Variants in SSPN observed in about 807,000 individuals in gnomAD.
SSPN encodes the protein sarcospan, also known as K-ras oncogene-associated protein.
Under a neutral mutation model 19.1 loss-of-function variants are expected in SSPN, and 15 were observed. That is an observed-to-expected ratio of 0.78 (90% CI 0.52 to 1.21). SSPN has a LOEUF of 1.21. Among genes scored for constraint, SSPN ranks in the 50% most tolerant of loss-of-function variants. The pLI, the probability that SSPN is intolerant of heterozygous loss-of-function variation, is 0.00. For synonymous variants in SSPN, 147 were observed against 140.3 expected (o/e 1.05, Z -0.34); for missense variants, 291 against 314.0 (o/e 0.93, Z 0.55).
upstream of SSPN, among the ~76,000 whole-genome samples, chr12:26,190,466 TC>T (rs1944780470): frequency 1.3e-5 from 2 of 152,336 alleles, no homozygotes; most frequent in South Asian, 2.1e-4. Context: ...ATCCCAGGCC[TC>T]CAGTCTTTAA....
intron 1 of SSPN, among the ~76,000 whole-genome samples, chr12:26,186,318 A>G (rs1460880257): frequency 6.6e-6 from 1 of 152,218 alleles, no homozygotes; most frequent in Non-Finnish European, 1.5e-5. Flanking sequence ...TTTATGATTT[A>G]GGTTAATAAA....
intron 1 of SSPN, chr12:26,122,650 T>TGCCGCC (rs772978905): frequency 6.7e-6 from 9 of 1,346,580 alleles, no homozygotes; most frequent in African/African-American, 1.5e-5. Context: ...CCGCCGCCGC[T>TGCCGCC]GCCGCCGCCG....
At chr12:26,161,679 T>A (rs1944589984) in intron 1 of SSPN, among the ~76,000 whole-genome samples, 1 of 152,210 alleles carries the variant, frequency 6.6e-6, no homozygotes, top group African/African-American at 2.4e-5. Context: ...TTCCCCAATC[T>A]TTTTGGTACC....
In SSPN at chr12:26,232,126, C is replaced by G; in HGVS notation, c.*1050C>G. 1 of 985,450 alleles carries G rather than the reference C, an allele frequency of 1.0e-6. No individual in the cohort carries two copies. The highest frequency in any genetic ancestry group is 1.2e-6 in the Non-Finnish European group (1 of 829,924). 61.0% of individuals were successfully genotyped at this position (985,450 alleles called of 1,614,324 possible). Reference sequence around the variant, plus strand: ...TTGTGATATGTTGAAAAGCATCTCTCTTGGCAACCAATCTATGTTTGAGGA... The same window carrying G: ...TTGTGATATGTTGAAAAGCATCTCTGTTGGCAACCAATCTATGTTTGAGGA... On this transcript the variant is annotated 3_prime_UTR_variant, in exon 3 of 3. Transcript: ENST00000242729.
At chr12:26,123,535 A>G (rs1944334360) in intron 1 of SSPN, 2 of 896,000 alleles carry the variant, frequency 2.2e-6, no homozygotes, top group African/African-American at 3.3e-5. Context: ...GAGCCCACGG[A>G]AAGAGATGGG....
At chr12:26,161,820 G>T (rs1055046983) in intron 1 of SSPN, among the ~76,000 whole-genome samples, 1 of 152,108 alleles carries the variant, frequency 6.6e-6, no homozygotes, top group African/African-American at 2.4e-5. Flanking sequence ...TAGATTCCTC[G>T]CATGCGCAGT....
chr12:26,205,924 G>T (rs1295495817), intron 1 of SSPN, among the ~76,000 whole-genome samples: 1 of 152,176 alleles, frequency 6.6e-6, no homozygotes, highest in Non-Finnish European at 1.5e-5. Context: ...ATCTTTCCAT[G>T]AACAAGTAGT....
In SSPN at chr12:26,137,212, A is replaced by G. The variant is rs144116004; in HGVS notation, c.-31+15060A>G. Among the ~76,000 whole-genome samples the G allele has an allele frequency of 3.3e-4, 51 of 152,324 alleles. 1 individual carries two copies. Among genetic ancestry groups the G allele is most frequent in the African/African-American group, 1.2e-3 (48 of 41,560 alleles). The stretch of plus-strand genomic sequence containing the variant: ...AGGTTAAGTAATTTGTCCATGTCAC[A>G]CAAATAGTAAATGGCAGAGCCAGGA... On this transcript the variant is annotated intron_variant, in intron 1 of 2. Transcript: ENST00000538142.
intron 1 of SSPN, chr12:26,180,663 G>A (rs1194603621): frequency 6.6e-6 from 1 of 152,146 alleles, no homozygotes; most frequent in Non-Finnish European, 1.5e-5. Context: ...TTAGTCAAGA[G>A]ATATATGCTG....
chr12:26,124,142 T>C (rs1386637295), intron 1 of SSPN: 1 of 1,612,384 alleles, frequency 6.2e-7, no homozygotes, highest in South Asian at 1.1e-5. Flanking sequence ...GTCTCTTCTT[T>C]TCTTTTCTAT....
In SSPN at chr12:26,232,165, C is replaced by T; in HGVS notation, c.*1089C>T. 1 of 985,416 alleles carries T rather than the reference C, an allele frequency of 1.0e-6. No individual in the cohort carries two copies. The highest frequency in any genetic ancestry group is 1.2e-6 in the Non-Finnish European group (1 of 829,914). The allele number at this position is 985,416 out of a possible 1,614,324, so 61.0% of individuals were successfully genotyped here. A position where few individuals can be genotyped will look rare whatever the true frequency, so the allele number is the denominator to read the frequency against. The stretch of plus-strand genomic sequence containing the variant: ...TATGTTTGAGGAAGATTGGGTAATG[C>T]TGATGTGTTCCATTCATGAAACTGT... On this transcript the variant is annotated 3_prime_UTR_variant, in exon 3 of 3. Coordinates refer to ENST00000242729, the MANE Select transcript of SSPN (RefSeq NM_005086.5).
chr12:26,163,278 TCTATAATAAGTA>T (rs949107010), intron 1 of SSPN, among the ~76,000 whole-genome samples: 3 of 152,204 alleles, frequency 2.0e-5, no homozygotes, highest in African/African-American at 7.2e-5. Context: ...TAATACCTTC[TCTATAATAAGTA>T]CTAATCAATT....
Position 26,233,547 on chromosome 12 carries a change from C to G in SSPN, c.*2471C>G, listed in dbSNP as rs1945257874. The G allele has an allele frequency of 6.6e-6, 1 of 152,150 alleles. No individual in the cohort carries two copies. The highest frequency in any genetic ancestry group is 6.5e-5 in the Admixed American group (1 of 15,284). 9.4% of individuals were successfully genotyped at this position (152,150 alleles called of 1,614,324 possible). A position where few individuals can be genotyped will look rare whatever the true frequency, so the allele number is the denominator to read the frequency against. On this transcript the variant is annotated 3_prime_UTR_variant, in exon 3 of 3. Transcript: ENST00000242729. The surrounding 1 kb of genome is among the most constrained non-coding windows in gnomAD (Gnocchi z 4.3). ...ATTGATAAGTGTAAGAATTGTGTTG[C>G]ATGAATAACCGCTTTGGGCTGGATT...
At chr12:26,136,312 G>C (rs1944424778) in intron 1 of SSPN, among the ~76,000 whole-genome samples, 1 of 152,198 alleles carries the variant, frequency 6.6e-6, no homozygotes, top group South Asian at 2.1e-4. Flanking sequence ...AGGGATAAGT[G>C]TGTTTCATGT....
chr12:26,203,008 C>T (rs1292908879), intron 1 of SSPN, among the ~76,000 whole-genome samples: 1 of 152,118 alleles, frequency 6.6e-6, no homozygotes, highest in Non-Finnish European at 1.5e-5. Context: ...TACAGGGCTG[C>T]AGGAGAGAGA....
chr12:26,192,553 A>G (rs1169902708), upstream of SSPN, among the ~76,000 whole-genome samples: 1 of 152,160 alleles, frequency 6.6e-6, no homozygotes. Context: ...CTTTGTTTCT[A>G]CTTTCAAATA....
chr12:26,220,300 G>A (rs1428951991), intron 1 of SSPN, among the ~76,000 whole-genome samples: 1 of 139,068 alleles, frequency 7.2e-6, no homozygotes, highest in African/African-American at 2.7e-5. Context: ...AACATATCAA[G>A]CCCTATCAGA....
chr12:26,162,963 C>T (rs541205486), intron 1 of SSPN, among the ~76,000 whole-genome samples: 26 of 150,816 alleles, frequency 1.7e-4, no homozygotes, highest in Admixed American at 5.3e-4. Flanking sequence ...CTAGACCTGA[C>T]GAGAAGTTAG....
chr12:26,147,281 T>TTG (rs1357747726), intron 1 of SSPN, among the ~76,000 whole-genome samples: 3 of 151,434 alleles, frequency 2.0e-5, no homozygotes, highest in Non-Finnish European at 2.9e-5. Context: ...TTTTTGTGTT[T>TTG]TTTTTTTTTG....
Sources: gnomAD v4.1 joint callset for allele counts (sites outside exome capture counted in the v4.1 genomes callset) on GRCh38, gnomAD v4.1.1 for gene constraint, Gnocchi (gnomAD v3.1) non-coding constraint, MANE v1.5 for transcripts, NCBI Gene and HGNC (gene_info 2026-07-23, HGNC 2026-07-21) for gene names.